Variants in FER observed in about 807,000 individuals in gnomAD.
FER encodes the protein FER tyrosine kinase.
A neutral mutation model predicts 111.0 loss-of-function variants in FER; 63 were observed. The ratio of observed to expected loss-of-function variants is 0.57; its 90% confidence interval spans 0.46 to 0.70. FER has a LOEUF of 0.70. Ranked by LOEUF, FER falls within the 30% of genes least tolerant of loss-of-function variation. The probability of loss-of-function intolerance (pLI) is 0.00; values close to 1 mark genes in which losing one functional copy is unlikely to be tolerated. For missense variants in FER, 914 were observed against 954.0 expected (o/e 0.96, Z 0.55); for synonymous variants, 327 against 313.9 (o/e 1.04, Z -0.44).
intron 13 of FER, among the ~76,000 whole-genome samples, chr5:108,967,796 G>C (rs1407832903): frequency 6.8e-6 from 1 of 146,018 alleles, no homozygotes; most frequent in African/African-American, 2.5e-5. Context: ...ATTAGGAAAG[G>C]GTAGGTATGA....
chr5:109,019,161 A>G (rs1297636985), intron 13 of FER, among the ~76,000 whole-genome samples: 1 of 151,688 alleles, frequency 6.6e-6, no homozygotes, highest in Non-Finnish European at 1.5e-5. Context: ...TTTTGGATTA[A>G]GAGATGGGCT....
chr5:108,835,681 C>A, intron 4 of FER, 27 bp from the exon 5 acceptor site: 2 of 1,364,478 alleles, frequency 1.5e-6, no homozygotes, highest in Non-Finnish European at 2.0e-6. Flanking sequence ...CAATTTAATA[C>A]ATTTATGCAT....
intron 2 of FER, among the ~76,000 whole-genome samples, chr5:108,788,144 T>C (rs1475398925): frequency 6.6e-6 from 1 of 152,204 alleles, no homozygotes; most frequent in Non-Finnish European, 1.5e-5. Context: ...TCCTGGTATC[T>C]CTGAGCTTTC....
intron 8 of FER, among the ~76,000 whole-genome samples, chr5:108,878,511 TA>T (rs1313054461): frequency 6.6e-6 from 1 of 152,160 alleles, no homozygotes; most frequent in Non-Finnish European, 1.5e-5. Flanking sequence ...TAAATCTTCT[TA>T]ATGTGTACAG....
At chr5:109,042,042 A>G (rs1314917980) in intron 14 of FER, among the ~76,000 whole-genome samples, 1 of 152,194 alleles carries the variant, frequency 6.6e-6, no homozygotes, top group African/African-American at 2.4e-5. Flanking sequence ...GAATAGATTG[A>G]AAATATAATT....
intron 18 of FER, among the ~76,000 whole-genome samples, chr5:109,184,212 A>T (rs1021191366): frequency 1.3e-5 from 2 of 152,160 alleles, no homozygotes; most frequent in Admixed American, 1.3e-4. Flanking sequence ...TATATCCTCT[A>T]ATTAGTTATA....
chr5:108,784,456 C>A, intron 2 of FER: 1 of 154,008 alleles, frequency 6.5e-6, no homozygotes, highest in South Asian at 2.0e-4. Flanking sequence ...AGCAGATTGT[C>A]TGTGGATCAT....
chr5:108,867,475 AGCTTCTTG>A (rs1355508810), intron 5 of FER, among the ~76,000 whole-genome samples: 3 of 152,086 alleles, frequency 2.0e-5, no homozygotes, highest in Non-Finnish European at 4.4e-5. Flanking sequence ...ATTTGGTATA[AGCTTCTTG>A]AAGATGAAAA....
chr5:109,125,473 C>G (rs1414611326), intron 17 of FER, among the ~76,000 whole-genome samples: 1 of 152,214 alleles, frequency 6.6e-6, no homozygotes, highest in Non-Finnish European at 1.5e-5. Flanking sequence ...AGTTCACTGT[C>G]TCTTCCTACT....
At chr5:109,013,106 T>C (rs1482793167) in intron 13 of FER, among the ~76,000 whole-genome samples, 1 of 151,804 alleles carries the variant, frequency 6.6e-6, no homozygotes, top group Non-Finnish European at 1.5e-5. Context: ...TACTTTAAGT[T>C]TTAGGGTACA....
chr5:109,144,702 A>C (rs1753887420), intron 17 of FER, among the ~76,000 whole-genome samples: 1 of 152,116 alleles, frequency 6.6e-6, no homozygotes, highest in South Asian at 2.1e-4. Flanking sequence ...TTCTTGGAGT[A>C]GCTAAGGGCC....
intron 5 of FER, among the ~76,000 whole-genome samples, chr5:108,857,916 C>G (rs1161185566): frequency 6.6e-6 from 1 of 152,132 alleles, no homozygotes; most frequent in Admixed American, 6.5e-5. Flanking sequence ...TATTTTCTGG[C>G]TCATCTTATA....
chr5:109,099,942 T>C (rs924326375), intron 16 of FER, among the ~76,000 whole-genome samples: 8 of 151,728 alleles, frequency 5.3e-5, no homozygotes, highest in Non-Finnish European at 1.2e-4. Flanking sequence ...TTTTAAGCAA[T>C]CACTGAATCT....
At chr5:109,175,343 C>A (rs1350495482) in intron 17 of FER, among the ~76,000 whole-genome samples, 1 of 152,180 alleles carries the variant, frequency 6.6e-6, no homozygotes, top group South Asian at 2.1e-4. Flanking sequence ...CAATTATTAT[C>A]CCCATTTCAC....
At chr5:109,066,851 A>G (rs1172030672) in intron 16 of FER, among the ~76,000 whole-genome samples, 1 of 152,240 alleles carries the variant, frequency 6.6e-6, no homozygotes, top group Non-Finnish European at 1.5e-5. Context: ...GGAGAAACAT[A>G]TGTTTAACAA....
intron 3 of FER, among the ~76,000 whole-genome samples, chr5:108,818,964 A>G (rs976802431): frequency 6.6e-6 from 1 of 152,086 alleles, no homozygotes; most frequent in East Asian, 1.9e-4. Flanking sequence ...AAAGATTACT[A>G]TGTAATTTGT....
At chr5:108,988,090 C>T (rs768168278) in intron 13 of FER, among the ~76,000 whole-genome samples, 9 of 152,168 alleles carry the variant, frequency 5.9e-5, no homozygotes, top group South Asian at 2.1e-4. Flanking sequence ...TGGTGTATTA[C>T]GTTTATTGAC....
intron 1 of FER, among the ~76,000 whole-genome samples, chr5:108,749,506 G>A (rs1237300372): frequency 3.3e-5 from 5 of 152,152 alleles, no homozygotes; most frequent in Non-Finnish European, 5.9e-5. Context: ...CGCTACGGGG[G>A]CATTCTCAAC....
chr5:108,777,955 T>C (rs1397081270), intron 2 of FER, among the ~76,000 whole-genome samples: 1 of 152,198 alleles, frequency 6.6e-6, no homozygotes, highest in Non-Finnish European at 1.5e-5. Flanking sequence ...TTATGGGAGC[T>C]ACAAGATGAG....
Sources: allele counts gnomAD v4.1 joint callset (sites outside exome capture counted in the v4.1 genomes callset), GRCh38; gene constraint gnomAD v4.1.1; transcripts MANE v1.5; gene names NCBI Gene and HGNC (gene_info 2026-07-23, HGNC 2026-07-21).